Variants in CNOT4 observed in about 807,000 individuals in gnomAD.
The protein encoded by CNOT4 is CCR4-NOT transcription complex subunit 4.
In CNOT4, 8 loss-of-function variants were observed where a neutral mutation model predicts 73.8. That is an observed-to-expected ratio of 0.11 (90% CI 0.06 to 0.20). CNOT4 has a LOEUF of 0.20. CNOT4 is among the 10% of genes least tolerant of loss of function. The pLI is 1.00. For missense variants in CNOT4, 564 were observed against 883.4 expected (o/e 0.64, Z 4.58); for synonymous variants, 293 against 321.1 (o/e 0.91, Z 0.94).
intron 1 of CNOT4, among the ~76,000 whole-genome samples, chr7:135,474,577 T>C (rs1801873760): frequency 1.3e-5 from 2 of 152,156 alleles, no homozygotes; most frequent in Non-Finnish European, 2.9e-5. Flanking sequence ...GCGCCTGGAC[T>C]AAACAGGTTT....
At chr7:135,441,927 G>A (rs1288770913) in intron 1 of CNOT4, among the ~76,000 whole-genome samples, 1 of 152,148 alleles carries the variant, frequency 6.6e-6, no homozygotes, top group Non-Finnish European at 1.5e-5. Context: ...TGCACCTCTA[G>A]CACCATGGAG....
intron 3 of CNOT4, among the ~76,000 whole-genome samples, chr7:135,418,987 G>A (rs114870795): frequency 0.02 from 2,891 of 146,622 alleles, 108 homozygotes; most frequent in African/African-American, 0.069. Context: ...CCCCCTACCC[G>A]CCCCCTGGCA....
chr7:135,412,437 A>G (rs1452943368), intron 6 of CNOT4, among the ~76,000 whole-genome samples: 2 of 151,936 alleles, frequency 1.3e-5, no homozygotes, highest in Non-Finnish European at 2.9e-5. Context: ...AAATGGTTCT[A>G]CCTTAGATTT....
At chr7:135,453,826 T>TTATATATATATATA (rs55732572) in intron 1 of CNOT4, among the ~76,000 whole-genome samples, 1,695 of 89,716 alleles carry the variant, frequency 0.019, 18 homozygotes, top group Non-Finnish European at 0.028. Flanking sequence ...TATATATATT[T>TTATATATATATATA]TATATATATA....
At chr7:135,425,329 G>A (rs919104986) in intron 2 of CNOT4, among the ~76,000 whole-genome samples, 2 of 152,096 alleles carry the variant, frequency 1.3e-5, no homozygotes, top group African/African-American at 2.4e-5. Flanking sequence ...TACACATGAG[G>A]CAAAGTCATG....
intron 2 of CNOT4, among the ~76,000 whole-genome samples, chr7:135,429,007 C>T (rs1228871289): frequency 6.6e-6 from 1 of 152,028 alleles, no homozygotes; most frequent in East Asian, 1.9e-4. Flanking sequence ...ACACACACAT[C>T]TTGCTAATTC....
At chr7:135,434,154 G>C (rs1358223380) in intron 2 of CNOT4, among the ~76,000 whole-genome samples, 2 of 152,142 alleles carry the variant, frequency 1.3e-5, no homozygotes. Flanking sequence ...GCAGGGTTGG[G>C]TTACATGTAA....
intron 10 of CNOT4, chr7:135,388,346 TTCTTC>T (rs1796228007): frequency 8.1e-6 from 8 of 984,488 alleles, no homozygotes; most frequent in Admixed American, 6.1e-5. Flanking sequence ...TATGTATTCT[TTCTTC>T]TCAAGTATTC....
chr7:135,461,769 C>A (rs1458153413), intron 1 of CNOT4, among the ~76,000 whole-genome samples: 2 of 151,934 alleles, frequency 1.3e-5, no homozygotes, highest in Non-Finnish European at 2.9e-5. Context: ...GAGGTGGAGG[C>A]TGCAGTAAGC....
intron 3 of CNOT4, among the ~76,000 whole-genome samples, chr7:135,417,588 T>C (rs1187155781): frequency 6.6e-6 from 1 of 152,160 alleles, no homozygotes; most frequent in East Asian, 1.9e-4. Flanking sequence ...CAACATGAGA[T>C]TGGTATGTAA....
At chr7:135,432,219 G>A (rs1798893926) in intron 2 of CNOT4, among the ~76,000 whole-genome samples, 1 of 152,074 alleles carries the variant, frequency 6.6e-6, no homozygotes, top group African/African-American at 2.4e-5. Flanking sequence ...TGACTTTCAG[G>A]AAAGATTTCA....
At position 135,413,477 on chromosome 7, in the gene CNOT4, G is replaced by A; in HGVS notation, c.687+11C>T. On this transcript the variant is annotated intron_variant, in intron 6 of 11. Coordinates refer to ENST00000541284, the MANE Select transcript of CNOT4 (RefSeq NM_001190850.2). ...TTTCTGCAAAGTTGATAATTCACAT[G>A]ACTTTACTACCTGCATTTCCTCTTT... 6.2e-7 allele frequency: 1 copy of A among 1,609,180 alleles called. No individual in the cohort carries two copies. Among genetic ancestry groups the A allele is most frequent in the African/African-American group, 1.3e-5 (1 of 74,738 alleles).
intron 10 of CNOT4, among the ~76,000 whole-genome samples, chr7:135,392,595 T>C (rs1323037772): frequency 6.6e-6 from 1 of 152,182 alleles, no homozygotes; most frequent in East Asian, 1.9e-4. Flanking sequence ...GTAAGTATCA[T>C]GTAGAAGAAG....
chr7:135,431,949 G>C (rs1798874596), intron 2 of CNOT4, among the ~76,000 whole-genome samples: 1 of 152,116 alleles, frequency 6.6e-6, no homozygotes, highest in Non-Finnish European at 1.5e-5. Context: ...TCTAACTGTA[G>C]AGTTAAGGTA....
chr7:135,476,741 G>A (rs1207152245), intron 1 of CNOT4, among the ~76,000 whole-genome samples: 2 of 152,170 alleles, frequency 1.3e-5, no homozygotes, highest in Non-Finnish European at 2.9e-5. Context: ...GGAGGCCAAG[G>A]CGGGCAGATC....
chr7:135,388,841 A>G (rs945767612), intron 10 of CNOT4: 2 of 1,613,110 alleles, frequency 1.2e-6, no homozygotes, highest in Non-Finnish European at 1.7e-6. Flanking sequence ...CCTTGTTGTA[A>G]TGAATGGGAA....
intron 3 of CNOT4, among the ~76,000 whole-genome samples, chr7:135,419,269 C>T (rs760621470): frequency 1.3e-5 from 2 of 152,058 alleles, no homozygotes; most frequent in Non-Finnish European, 2.9e-5. Context: ...TTCTGTTAAT[C>T]AGAATTAGGT....
chr7:135,487,380 TAC>T (rs1226419585), intron 1 of CNOT4, among the ~76,000 whole-genome samples: 3 of 151,904 alleles, frequency 2.0e-5, no homozygotes, highest in African/African-American at 7.3e-5. Context: ...GGTGGTGGTA[TAC>T]ACCACCACAC....
intron 1 of CNOT4, among the ~76,000 whole-genome samples, chr7:135,478,020 T>C (rs902445192): frequency 2.0e-5 from 3 of 152,120 alleles, no homozygotes; most frequent in Admixed American, 2.0e-4. Flanking sequence ...AAATCAAATG[T>C]GGTGTTATCT....
Sources: gnomAD v4.1 joint callset for allele counts (sites outside exome capture counted in the v4.1 genomes callset) on GRCh38, gnomAD v4.1.1 for gene constraint, MANE v1.5 for transcripts, NCBI Gene and HGNC (gene_info 2026-07-23, HGNC 2026-07-21) for gene names.